Variants in LRRC41 observed in about 807,000 individuals in gnomAD.
LRRC41 encodes the protein leucine rich repeat containing 41, also known as leucine-rich repeat-containing protein 41.
Under a neutral mutation model 72.1 loss-of-function variants are expected in LRRC41, and 17 were observed. The ratio of observed to expected loss-of-function variants is 0.24; its 90% CI spans 0.16 to 0.35. The LOEUF (loss-of-function observed/expected upper bound fraction) is 0.35. Ranked by LOEUF, LRRC41 falls within the 10% of genes least tolerant of loss-of-function variation. The probability of loss-of-function intolerance (pLI) is 1.00; values close to 1 mark genes in which losing one functional copy is unlikely to be tolerated. For synonymous variants in LRRC41, 427 were observed against 431.0 expected (o/e 0.99, Z 0.11); for missense variants, 759 against 1,065.0 (o/e 0.71, Z 4.00).
At position 46,285,156 on chromosome 1, in the gene LRRC41, C is replaced by A. The variant is rs1660858478; in HGVS notation, c.1495+206G>T. The A allele has an allele frequency of 5.0e-6, 3 of 599,610 alleles. No homozygotes were observed. The highest frequency in any genetic ancestry group is 9.0e-6 in the Non-Finnish European group (3 of 333,940). The allele number at this position is 599,610 out of a possible 1,614,324, so 37.1% of individuals were successfully genotyped here. A position where few individuals can be genotyped will look rare whatever the true frequency, so the allele number is the denominator to read the frequency against. ...TTGTCTCACTGCCCCTCAGGAACCC[C>A]TGCTTTCAACAACTAATCAAGTGTA... On this transcript the variant is annotated intron_variant, in intron 4 of 9. Coordinates refer to ENST00000617190, the MANE Select transcript of LRRC41 (RefSeq NM_006369.5). The surrounding 1 kb of genome is among the most constrained non-coding windows in gnomAD (Gnocchi z 5.3).
intron 3 of LRRC41, chr1:46,297,315 C>T (rs1661145064): frequency 2.4e-6 from 1 of 417,920 alleles, no homozygotes; most frequent in South Asian, 3.4e-5. Context: ...CTCTAGGAAT[C>T]CTGGCTCTGC....
Position 46,280,251 on chromosome 1 carries a change from A to G in LRRC41, c.1961T>C (p.Met654Thr). 1.2e-6 allele frequency: 2 copies of G among 1,614,126 alleles called. No individual in the cohort carries two copies. Among genetic ancestry groups the G allele is most frequent in the Non-Finnish European group, 1.7e-6 (2 of 1,180,006 alleles). ...LALKRLSFHD[M>T]NLADCQSEVL... ...CTCGCTCTGACAGTCAGCGAGATTC[A>G]TGTCATGGAAGCTCAGTCTTTTCAG... Residue 654 changes from methionine (M) to threonine (T), a missense_variant, in exon 7 of 10, where the codon ATG becomes ACG. By Grantham distance (81) the Met-to-Thr change is moderately conservative. Coordinates refer to ENST00000617190, the MANE Select transcript of LRRC41 (RefSeq NM_006369.5).
At position 46,278,857 on chromosome 1, in the gene LRRC41, G is replaced by A. The variant is rs777461358; in HGVS notation, c.*8C>T. 44 of 1,605,820 alleles carry A rather than the reference G, an allele frequency of 2.7e-5. No homozygotes were observed. The East Asian group carries it at 7.4e-4, about 27-fold the overall frequency. On this transcript the variant is annotated 3_prime_UTR_variant, in exon 10 of 10. Transcript: ENST00000617190. Reference sequence around the variant, plus strand: ...TACCGAGCATGAGACTGTGAGGTACGGGCCCCATCACATGGTGCTAACATA... The same window carrying A: ...TACCGAGCATGAGACTGTGAGGTACAGGCCCCATCACATGGTGCTAACATA...
chr1:46,296,260 C>CA (rs1661124419), intron 3 of LRRC41, among the ~76,000 whole-genome samples: 1 of 151,992 alleles, frequency 6.6e-6, no homozygotes, highest in African/African-American at 2.4e-5. Context: ...ATTAAAAATA[C>CA]AAAAAAATTA....
chr1:46,297,600 C>G lies in LRRC41; in HGVS notation c.320G>C (p.Trp107Ser). 6.2e-7 allele frequency: 1 copy of G among 1,614,200 alleles called. No homozygotes were observed. Among genetic ancestry groups the G allele is most frequent in the Non-Finnish European group, 8.5e-7 (1 of 1,180,016 alleles). ...LSTQAIWRRL[W>S]DELMKTRPSS... ...AGGCCTTGTCTTCATCAGTTCATCC[C>G]AGAGTCGGCGCCAGATGGCCTGAGT... The change falls in exon 3 of 10, where the codon TGG (tryptophan) becomes TCG (serine). Residue 107 changes from tryptophan (W) to serine (S), a missense_variant. By Grantham distance (177) the Trp-to-Ser change is radical. Coordinates refer to ENST00000617190, the MANE Select transcript of LRRC41 (RefSeq NM_006369.5).
At position 46,302,216 on chromosome 1, in the gene LRRC41, C is replaced by T; in HGVS notation, c.199+908G>A. 1.0e-6 allele frequency: 1 copy of T among 985,420 alleles called. No homozygotes were observed. The highest frequency in any genetic ancestry group is 1.2e-6 in the Non-Finnish European group (1 of 829,910). 61.0% of individuals were successfully genotyped at this position (985,420 alleles called of 1,614,324 possible). On this transcript the variant is annotated intron_variant, in intron 1 of 9. Coordinates refer to ENST00000617190, the MANE Select transcript of LRRC41 (RefSeq NM_006369.5). The surrounding 1 kb of genome is among the most constrained non-coding windows in gnomAD (Gnocchi z 4.7). ...TCCCATTCAGCCCAAGGCCTCTTGGCGGCGCCGCGCCCCCTGCCACGGCAG... is the reference window on the plus strand; with the variant it reads ...TCCCATTCAGCCCAAGGCCTCTTGGTGGCGCCGCGCCCCCTGCCACGGCAG...
Position 46,278,351 on chromosome 1 carries a change from G to A in LRRC41, c.*514C>T. On this transcript the variant is annotated 3_prime_UTR_variant, in exon 10 of 10. Transcript: ENST00000617190. ...GAAAAGGGGCTCCTTGCTCCACAGG[G>A]CCCTGTTGAATTTTGTTCTCTGGGA... is the stretch of plus-strand genomic sequence containing the variant. 1 of 1,488,974 alleles carries A rather than the reference G, an allele frequency of 6.7e-7. No homozygotes were observed. Among genetic ancestry groups the A allele is most frequent in the Non-Finnish European group, 9.2e-7 (1 of 1,090,716 alleles). The allele number at this position is 1,488,974 out of a possible 1,614,324, so 92.2% of individuals were successfully genotyped here.
In LRRC41 at chr1:46,302,513, G is replaced by C. The variant is rs1424436038; in HGVS notation, c.199+611C>G. 1.0e-6 allele frequency: 1 copy of C among 985,168 alleles called. No individual in the cohort carries two copies. Among genetic ancestry groups the C allele is most frequent in the Non-Finnish European group, 1.2e-6 (1 of 829,880 alleles). 61.0% of individuals were successfully genotyped at this position (985,168 alleles called of 1,614,324 possible). On this transcript the variant is annotated intron_variant, in intron 1 of 9. Transcript: ENST00000617190. This position sits in a 1 kb window ranked among gnomAD's most constrained non-coding sequence, Gnocchi z 4.7. ...CCGTCAGCCCTGGGCCGTCAGACAG[G>C]CCGCGGCGCCCCGACCCTTTCGTTC...
Position 46,286,854 on chromosome 1 carries a change from T to C in LRRC41, c.358-355A>G, listed in dbSNP as rs902789712. 3.9e-5 allele frequency among the ~76,000 whole-genome samples: 6 copies of C among 152,342 alleles called. No individual in the cohort carries two copies. The highest frequency in any genetic ancestry group is 1.9e-4 in the East Asian group (1 of 5,184). On this transcript the variant is annotated intron_variant, in intron 3 of 9. Transcript: ENST00000617190. This position sits in a 1 kb window ranked among gnomAD's most constrained non-coding sequence, Gnocchi z 5.5. Reference sequence around the variant, plus strand: ...TTCTTTTTAAGATAGAGTCTCACTTTGTAGCCTAGGCTGGAGTGCAGTGGT... The same window carrying C: ...TTCTTTTTAAGATAGAGTCTCACTTCGTAGCCTAGGCTGGAGTGCAGTGGT...
chr1:46,301,486 T>C (rs2148328219), intron 1 of LRRC41, among the ~76,000 whole-genome samples: 1 of 152,094 alleles, frequency 6.6e-6, no homozygotes, highest in Non-Finnish European at 1.5e-5. Flanking sequence ...GGGCCTCCAC[T>C]GTCCCCTCCG....
At chr1:46,295,815 C>T (rs913896009) in intron 3 of LRRC41, among the ~76,000 whole-genome samples, 5 of 152,224 alleles carry the variant, frequency 3.3e-5, no homozygotes, top group African/African-American at 1.2e-4. Context: ...GCTTCTCTTC[C>T]TCATAAGGTC....
intron 3 of LRRC41, 70 bp downstream of exon 3, chr1:46,297,493 G>T: frequency 8.1e-7 from 1 of 1,235,360 alleles, no homozygotes; most frequent in Non-Finnish European, 1.2e-6. Flanking sequence ...TACCCAGCTT[G>T]TGTTTGTGTG....
rs892820557 is a variant in LRRC41, at chr1:46,286,464, G to A, written c.393C>T (p.Ala131=). The change falls in exon 4 of 10, where the codon GCC becomes GCT. Residue 131 remains alanine, a synonymous_variant. Transcript: ENST00000617190. This position sits in a 1 kb window ranked among gnomAD's most constrained non-coding sequence, Gnocchi z 5.5. Reference sequence around the variant, plus strand: ...TCCCACGTAGAACATGGGAAAAAAAGGCCTCCATAAACTTGGCTCGCCAAC... The same window carrying A: ...TCCCACGTAGAACATGGGAAAAAAAAGCCTCCATAAACTTGGCTCGCCAAC... ...VTCWRAKFME[A]FFSHVLRGTI... is the part of the protein sequence containing the mutation. 4 of 1,605,134 alleles carry A rather than the reference G, an allele frequency of 2.5e-6. No homozygotes were observed. Among genetic ancestry groups the A allele is most frequent in the Admixed American group, 3.4e-5 (2 of 58,150 alleles).
chr1:46,294,810 G>C (rs1454806178), intron 3 of LRRC41, among the ~76,000 whole-genome samples: 2 of 151,884 alleles, frequency 1.3e-5, no homozygotes, highest in Non-Finnish European at 2.9e-5. Flanking sequence ...GGCCAGGCTG[G>C]TCTTGAACTC....
chr1:46,303,334 G>A lies in LRRC41; in HGVS notation c.-12C>T, dbSNP rs1661289254. ...TCGGGCGCCGCCATCTTGGGGAGGT[G>A]CGCGAGCCCGAGAGTGTCGCCCGCG... On this transcript the variant is annotated 5_prime_UTR_variant, in exon 1 of 10. Coordinates refer to ENST00000617190, the MANE Select transcript of LRRC41 (RefSeq NM_006369.5). 1 of 1,504,892 alleles carries A rather than the reference G, an allele frequency of 6.6e-7. No homozygotes were observed. The highest frequency in any genetic ancestry group is 8.8e-7 in the Non-Finnish European group (1 of 1,130,564). 93.2% of individuals were successfully genotyped at this position (1,504,892 alleles called of 1,614,324 possible).
chr1:46,289,095 T>G (rs1396293807), intron 3 of LRRC41, among the ~76,000 whole-genome samples: 1 of 152,160 alleles, frequency 6.6e-6, no homozygotes, highest in East Asian at 1.9e-4. Flanking sequence ...AAATATAGGT[T>G]AGATAGGTAA....
chr1:46,281,531 C>T (rs1377760781), intron 4 of LRRC41, 146 bp from the exon 5 acceptor site: 8 of 780,904 alleles, frequency 1.0e-5, no homozygotes, highest in South Asian at 1.9e-5. Flanking sequence ...CTTAACTACT[C>T]ATCCATGTCT....
Position 46,286,096 on chromosome 1 carries a change from C to A in LRRC41, c.761G>T (p.Trp254Leu). Residue 254 changes from tryptophan to leucine, a missense_variant, in exon 4 of 10, where the codon TGG becomes TTG. By Grantham distance (61) the Trp-to-Leu change is moderately conservative (BLOSUM62 -2). Around this residue, in one of 4 missense-constraint regions of LRRC41, gnomAD observed 427 missense variants for 520.9 expected, o/e 0.82. Transcript: ENST00000617190. The surrounding 1 kb of genome is among the most constrained non-coding windows in gnomAD (Gnocchi z 5.5). ...GGGTGGGCCACCAGGCCCTGGTTGC[C>A]AGAAGCCAGCACTCATGGTGAGAAT... ...ILILTMSAGF[W>L]QPGPGGPPCR... The A allele has an allele frequency of 6.2e-7, 1 of 1,612,108 alleles. No homozygotes were observed. The highest frequency in any genetic ancestry group is 8.5e-7 in the Non-Finnish European group (1 of 1,178,262).
At position 46,302,680 on chromosome 1, in the gene LRRC41, C is replaced by CCCGGG; in HGVS notation, c.199+439_199+443dup. 1 of 985,416 alleles carries CCCGGG rather than the reference C, an allele frequency of 1.0e-6. No homozygotes were observed. Among genetic ancestry groups the CCCGGG allele is most frequent in the South Asian group, 4.7e-5 (1 of 21,284 alleles). 61.0% of individuals were successfully genotyped at this position (985,416 alleles called of 1,614,324 possible). ...GGGGCCATCAGTCAGGTTCGGTGGC[C>CCCGGG]CCGGGCCTGGCCTGGCCTTGCCTTA... On this transcript the variant is annotated intron_variant, in intron 1 of 9. Transcript: ENST00000617190. This position sits in a 1 kb window ranked among gnomAD's most constrained non-coding sequence, Gnocchi z 4.7.
Sources: allele counts gnomAD v4.1 joint callset (sites outside exome capture counted in the v4.1 genomes callset), GRCh38; gene constraint gnomAD v4.1.1; regional missense constraint gnomAD v4.1.1; non-coding constraint Gnocchi (gnomAD v3.1); transcripts MANE v1.5; gene names NCBI Gene and HGNC (gene_info 2026-07-23, HGNC 2026-07-21).